PRICKLE2: variants seen among roughly 807,000 people sequenced by gnomAD.
The protein encoded by PRICKLE2 is prickle-like protein 2.
Under a neutral mutation model 81.4 loss-of-function variants are expected in PRICKLE2, and 21 were observed. That is an observed-to-expected ratio of 0.26 (90% CI 0.18 to 0.37). The LOEUF is 0.37. PRICKLE2 is among the 10% of genes least tolerant of loss of function. The pLI is 1.00. For synonymous variants in PRICKLE2, 456 were observed against 421.5 expected, an observed-to-expected ratio of 1.08 and a Z score of -1.00; for missense variants, 940 against 1,109.0, an observed-to-expected ratio of 0.85 and a Z score of 2.16.
At position 64,095,450 on chromosome 3, in the gene PRICKLE2, T is replaced by C. The variant is rs546957957; in HGVS notation, c.*3601A>G. ...TCAGTTCTGATCAACTGGTCCTGGCTGGTTGGAGTGTTGCAAAGATCTGTG... is the reference window on the plus strand; with the variant it reads ...TCAGTTCTGATCAACTGGTCCTGGCCGGTTGGAGTGTTGCAAAGATCTGTG... On this transcript the variant is annotated 3_prime_UTR_variant, in exon 8 of 8. Transcript: ENST00000638394. 6.6e-6 allele frequency: 1 copy of C among 152,364 alleles called. No homozygotes were observed. Among genetic ancestry groups the C allele is most frequent in the African/African-American group, 2.4e-5 (1 of 41,586 alleles). 9.4% of individuals were successfully genotyped at this position (152,364 alleles called of 1,614,324 possible). A position where few individuals can be genotyped will look rare whatever the true frequency, so the allele number is the denominator to read the frequency against.
intron 2 of PRICKLE2, 39 bp from the exon 3 acceptor site, chr3:64,163,168 T>C (rs1276301863): frequency 1.7e-6 from 2 of 1,205,396 alleles, no homozygotes; most frequent in Non-Finnish European, 1.2e-6. Context: ...TGCCCATTAC[T>C]CAAACCATGT....
chr3:64,236,934 A>G (rs1474664863), intron 2 of PRICKLE2, among the ~76,000 whole-genome samples: 1 of 152,202 alleles, frequency 6.6e-6, no homozygotes, highest in Non-Finnish European at 1.5e-5. Context: ...CCCACTTATC[A>G]TGCTGCGGTG....
At chr3:64,205,960 G>A (rs756358575) in intron 1 of PRICKLE2, among the ~76,000 whole-genome samples, 17 of 152,244 alleles carry the variant, frequency 1.1e-4, no homozygotes, top group African/African-American at 2.9e-4. Flanking sequence ...TAGACTCCAC[G>A]AAGTCATTTC....
chr3:64,155,246 A>G (rs1386227097), intron 5 of PRICKLE2, among the ~76,000 whole-genome samples: 1 of 151,872 alleles, frequency 6.6e-6, no homozygotes, highest in Non-Finnish European at 1.5e-5. Context: ...TCTCTGAAAA[A>G]GAAGATACAC....
At chr3:64,224,491 G>C (rs2079002638) in intron 1 of PRICKLE2, among the ~76,000 whole-genome samples, 1 of 152,114 alleles carries the variant, frequency 6.6e-6, no homozygotes, top group Non-Finnish European at 1.5e-5. Context: ...TCTTTACCTG[G>C]AAGTCTCAGC....
At chr3:64,166,736 C>T (rs1385762952) in intron 2 of PRICKLE2, among the ~76,000 whole-genome samples, 7 of 152,296 alleles carry the variant, frequency 4.6e-5, no homozygotes, top group African/African-American at 1.7e-4. Flanking sequence ...TAATTAACAA[C>T]CTACCAAATC....
At chr3:64,189,878 C>T (rs1197381260) in intron 2 of PRICKLE2, among the ~76,000 whole-genome samples, 1 of 152,122 alleles carries the variant, frequency 6.6e-6, no homozygotes, top group African/African-American at 2.4e-5. Flanking sequence ...GCCCTATGTG[C>T]ACCTGGGGCA....
intron 7 of PRICKLE2, chr3:64,101,238 G>A (rs190265309): frequency 6.6e-6 from 1 of 152,284 alleles, no homozygotes; most frequent in Admixed American, 6.5e-5. Flanking sequence ...GAAGGTCCAA[G>A]AAATGGACAA....
intron 2 of PRICKLE2, among the ~76,000 whole-genome samples, chr3:64,245,651 C>T (rs1052286030): frequency 6.6e-6 from 1 of 152,124 alleles, no homozygotes; most frequent in African/African-American, 2.4e-5. Context: ...CATTCAAATC[C>T]AGAGAGGCAT....
chr3:64,263,835 G>C (rs566198967), intron 2 of PRICKLE2, among the ~76,000 whole-genome samples: 1 of 152,278 alleles, frequency 6.6e-6, no homozygotes, highest in South Asian at 2.1e-4. Context: ...AAGAACCCAA[G>C]GCAAATGAGC....
Position 64,095,243 on chromosome 3 carries a change from C to G in PRICKLE2, c.*3808G>C, listed in dbSNP as rs890086636. ...CTAAGAAGTCAGCTTCCTCGAGCCT[C>G]CACAACCTGGGATGGGGGAGGGGCA... On this transcript the variant is annotated 3_prime_UTR_variant, in exon 8 of 8. Transcript: ENST00000638394. 5.3e-5 allele frequency: 8 copies of G among 152,114 alleles called. No individual in the cohort carries two copies. The highest frequency in any genetic ancestry group is 1.7e-4 in the African/African-American group (7 of 41,408). 9.4% of individuals were successfully genotyped at this position (152,114 alleles called of 1,614,324 possible).
At chr3:64,191,631 G>A (rs2078340778) in intron 2 of PRICKLE2, among the ~76,000 whole-genome samples, 1 of 152,232 alleles carries the variant, frequency 6.6e-6, no homozygotes, top group Non-Finnish European at 1.5e-5. Flanking sequence ...CATGCAAAGT[G>A]TTTAAAAGGA....
Position 64,099,946 on chromosome 3 carries a change from C to T in PRICKLE2, c.1661-21G>A, listed in dbSNP as rs1197200009. The T allele has an allele frequency of 9.9e-6, 16 of 1,613,292 alleles. No homozygotes were observed. Among genetic ancestry groups the T allele is most frequent in the Non-Finnish European group, 1.4e-5 (16 of 1,179,686 alleles). On this transcript the variant is annotated intron_variant, in intron 7 of 7. Coordinates refer to ENST00000638394, the MANE Select transcript of PRICKLE2 (RefSeq NM_198859.4). This position sits in a 1 kb window ranked among gnomAD's most constrained non-coding sequence, Gnocchi z 4.3. ...GAGGCCTGGGGAAGAGAGGAGGGGACCACAGAGATTAATACAGATGTGCAG... is the reference window on the plus strand; with the variant it reads ...GAGGCCTGGGGAAGAGAGGAGGGGATCACAGAGATTAATACAGATGTGCAG...
chr3:64,106,135 T>G (rs1215553404), intron 7 of PRICKLE2: 1 of 152,208 alleles, frequency 6.6e-6, no homozygotes, highest in African/African-American at 2.4e-5. Context: ...AAAGAAAGCA[T>G]GCCTCAAGAC....
Position 64,097,145 on chromosome 3 carries a change from C to T in PRICKLE2, c.*1906G>A, listed in dbSNP as rs547977549. On this transcript the variant is annotated 3_prime_UTR_variant, in exon 8 of 8. Transcript: ENST00000638394. ...GCATGCGGAAAACAGCCACAACCAACATGTGCATTGCTTTTTTAAAAAAAT... is the reference window on the plus strand; with the variant it reads ...GCATGCGGAAAACAGCCACAACCAATATGTGCATTGCTTTTTTAAAAAAAT... 6.5e-6 allele frequency: 1 copy of T among 152,698 alleles called. No individual in the cohort carries two copies. The highest frequency in any genetic ancestry group is 2.4e-5 in the African/African-American group (1 of 41,542). 9.5% of individuals were successfully genotyped at this position (152,698 alleles called of 1,614,324 possible).
At chr3:64,216,126 A>G (rs75193256) in intron 1 of PRICKLE2, among the ~76,000 whole-genome samples, 2,519 of 152,322 alleles carry the variant, frequency 0.017, 29 homozygotes, top group Middle Eastern at 0.027. Context: ...TCTCTGGGCT[A>G]TCTGCTCTGG....
intron 7 of PRICKLE2, among the ~76,000 whole-genome samples, chr3:64,126,928 T>A (rs573966119): frequency 6.6e-6 from 1 of 152,276 alleles, no homozygotes; most frequent in South Asian, 2.1e-4. Flanking sequence ...CTCTGTAAAA[T>A]GGAGGCTCAT....
intron 7 of PRICKLE2, among the ~76,000 whole-genome samples, chr3:64,130,561 A>C (rs1199579329): frequency 6.6e-6 from 1 of 152,178 alleles, no homozygotes; most frequent in African/African-American, 2.4e-5. Flanking sequence ...TGAGCTCTCT[A>C]TCTCTTAGGA....
intron 2 of PRICKLE2, 34 bp from the exon 3 acceptor site, chr3:64,163,163 A>G (rs776081977): frequency 7.7e-7 from 1 of 1,301,526 alleles, no homozygotes; most frequent in Non-Finnish European, 1.1e-6. Context: ...TGACTTGCCC[A>G]TTACTCAAAC....
Sources: gnomAD v4.1 joint callset for allele counts (sites outside exome capture counted in the v4.1 genomes callset) on GRCh38, gnomAD v4.1.1 for gene constraint, Gnocchi (gnomAD v3.1) non-coding constraint, MANE v1.5 for transcripts, NCBI Gene and HGNC (gene_info 2026-07-23, HGNC 2026-07-21) for gene names.